The following UBQLN1 variants were observed in gnomAD, a reference collection of about 807,000 sequenced individuals.
The protein encoded by UBQLN1 is ubiquilin 1.
In UBQLN1, 13 loss-of-function variants were observed where a neutral mutation model predicts 65.4. The observed-to-expected ratio is 0.20, with a 90% confidence interval of 0.13 to 0.32. UBQLN1 has a LOEUF of 0.32. Ranked by LOEUF, UBQLN1 falls within the 10% of genes least tolerant of loss-of-function variation. The pLI, the probability that UBQLN1 is intolerant of heterozygous loss-of-function variation, is 1.00. For missense variants in UBQLN1, 561 were observed against 724.0 expected, an observed-to-expected ratio of 0.77 and a Z score of 2.58; for synonymous variants, 267 against 247.8, an observed-to-expected ratio of 1.08 and a Z score of -0.73.
chr9:83,684,002 C>G (rs973974350), intron 2 of UBQLN1, among the ~76,000 whole-genome samples: 1 of 151,908 alleles, frequency 6.6e-6, no homozygotes, highest in African/African-American at 2.4e-5. Context: ...GCCTGGGTGA[C>G]AGAGAGAGAC....
At chr9:83,697,647 G>A (rs888384769) in intron 1 of UBQLN1, among the ~76,000 whole-genome samples, 2 of 146,390 alleles carry the variant, frequency 1.4e-5, no homozygotes, top group Admixed American at 6.8e-5. Flanking sequence ...CCTCTGCCTC[G>A]CAGATTCAAG....
chr9:83,700,862 T>C (rs569347086), intron 1 of UBQLN1, among the ~76,000 whole-genome samples: 4 of 152,236 alleles, frequency 2.6e-5, no homozygotes, highest in Admixed American at 2.6e-4. Context: ...CATTATATAT[T>C]CTAAGACCAA....
At position 83,677,815 on chromosome 9, in the gene UBQLN1, G is replaced by C; in HGVS notation, c.1017C>G (p.Ala339=). 6.2e-7 allele frequency: 1 copy of C among 1,614,072 alleles called. No homozygotes were observed. Among genetic ancestry groups the C allele is most frequent in the South Asian group, 1.1e-5 (1 of 91,034 alleles). Residue 339 remains alanine, a synonymous_variant, in exon 6 of 11, where the codon GCC becomes GCG. Transcript: ENST00000376395. The part of the protein sequence containing the change: ...SQSSSASSGT[A]STVGGTTGST... ...TACCAGTAGTGCCACCCACAGTGCT[G>C]GCAGTGCCGCTGGAAGCTGATGAAC...
intron 1 of UBQLN1, among the ~76,000 whole-genome samples, chr9:83,691,722 C>G (rs543200496): frequency 5.9e-5 from 9 of 152,232 alleles, no homozygotes; most frequent in Non-Finnish European, 1.2e-4. Flanking sequence ...AAATCACGTT[C>G]ACTCACAAAA....
chr9:83,684,944 G>A (rs1018823104), intron 2 of UBQLN1, among the ~76,000 whole-genome samples: 3 of 151,784 alleles, frequency 2.0e-5, no homozygotes, highest in East Asian at 1.9e-4. Flanking sequence ...TAACATCTCC[G>A]AAATCAGGAT....
chr9:83,665,104 T>C lies in UBQLN1; in HGVS notation c.1374A>G (p.Arg458=). The C allele has an allele frequency of 6.2e-7, 1 of 1,613,934 alleles. No homozygotes were observed. The highest frequency in any genetic ancestry group is 1.7e-5 in the Admixed American group (1 of 59,994). The stretch of plus-strand genomic sequence containing the variant: ...GAATCTGTAACAAGGCCTGCATTGC[T>C]CTAGGGTTTGACATTGCTGATAGTG... ...PDTLSAMSNP[R]AMQALLQIQQ... Residue 458 remains arginine (R), a synonymous_variant, in exon 9 of 11, where the codon AGA becomes AGG. Transcript: ENST00000376395.
chr9:83,663,393 C>A lies in UBQLN1; in HGVS notation c.1617+482G>T, dbSNP rs111854716. 7.3e-4 allele frequency among the ~76,000 whole-genome samples: 111 copies of A among 151,974 alleles called. 1 individual carries two copies. The highest frequency in any genetic ancestry group is 1.2e-3 in the Non-Finnish European group (84 of 68,000). On this transcript the variant is annotated intron_variant, in intron 10 of 10. Transcript: ENST00000376395. ...GGTCCATATTCTTTAGCCATATTTACGAGATATATATATATGTAACACAAG... is the reference window on the plus strand; with the variant it reads ...GGTCCATATTCTTTAGCCATATTTAAGAGATATATATATATGTAACACAAG...
At chr9:83,692,045 T>C (rs766069312) in intron 1 of UBQLN1, among the ~76,000 whole-genome samples, 37 of 152,156 alleles carry the variant, frequency 2.4e-4, no homozygotes, top group Non-Finnish European at 3.8e-4. Flanking sequence ...GTAAAAAATA[T>C]ACAAAACTTG....
intron 4 of UBQLN1, 41 bp from the exon 5 acceptor site, chr9:83,678,640 T>A: frequency 6.4e-7 from 1 of 1,566,864 alleles, no homozygotes; most frequent in Admixed American, 1.9e-5. Flanking sequence ...AAAAAGGCAT[T>A]GAAATACACA....
At chr9:83,673,231 C>T (rs1182233245) in intron 6 of UBQLN1, among the ~76,000 whole-genome samples, 2 of 150,194 alleles carry the variant, frequency 1.3e-5, no homozygotes, top group Non-Finnish European at 3.0e-5. Flanking sequence ...TCAAACAAAA[C>T]AAACCAAAAA....
At chr9:83,699,364 C>A (rs1463706784) in intron 1 of UBQLN1, among the ~76,000 whole-genome samples, 1 of 152,114 alleles carries the variant, frequency 6.6e-6, no homozygotes, top group Non-Finnish European at 1.5e-5. Flanking sequence ...TTTTAAGAGA[C>A]CAAGTCTCAT....
At chr9:83,676,448 G>A (rs1831833479) in intron 6 of UBQLN1, among the ~76,000 whole-genome samples, 2 of 152,144 alleles carry the variant, frequency 1.3e-5, no homozygotes, top group Admixed American at 1.3e-4. Context: ...ATCTTTGCCT[G>A]CTCTATACCC....
chr9:83,683,596 CTCTT>C (rs1217636119), intron 2 of UBQLN1, among the ~76,000 whole-genome samples: 30 of 152,150 alleles, frequency 2.0e-4, no homozygotes, highest in Non-Finnish European at 4.0e-4. Flanking sequence ...ATTGCCCCTC[CTCTT>C]TGAGTATAAT....
chr9:83,687,306 G>A (rs977796209), intron 1 of UBQLN1, among the ~76,000 whole-genome samples: 2 of 152,198 alleles, frequency 1.3e-5, no homozygotes, highest in African/African-American at 4.8e-5. Context: ...ATGCTATAAA[G>A]AAACACTTAC....
intron 1 of UBQLN1, 127 bp from the exon 2 acceptor site, chr9:83,686,282 TC>T: frequency 1.6e-6 from 1 of 626,264 alleles, no homozygotes; most frequent in Non-Finnish European, 2.5e-6. Context: ...ATCCCAATGT[TC>T]CAGGAGGCTG....
rs1254161235 is a variant in UBQLN1 at position 83,678,565 on chromosome 9, T to C, written c.746A>G (p.Gln249Arg). ...TCGGTCCTGGTTCCTCATCATCTCC[T>C]GCATCATTGCTGGATTCCTGGCAAG... ...LELARNPAMMQEMMRNQDRAL... is the reference protein window; with the variant it reads ...LELARNPAMMREMMRNQDRAL... Residue 249 changes from glutamine (Q) to arginine (R), a missense_variant, in exon 5 of 11, where the codon CAG (glutamine) becomes CGG (arginine). Physicochemically the swap from Gln to Arg is conservative, Grantham distance 43. Around this residue, in one of 8 missense-constraint regions of UBQLN1, gnomAD observed 75 missense variants for 138.9 expected, o/e 0.54. Transcript: ENST00000376395. The C allele has an allele frequency of 1.2e-6, 2 of 1,612,516 alleles. No individual in the cohort carries two copies.
chr9:83,677,134 T>C (rs1014350498), intron 6 of UBQLN1, among the ~76,000 whole-genome samples: 2 of 152,206 alleles, frequency 1.3e-5, no homozygotes, highest in Non-Finnish European at 2.9e-5. Context: ...AGACGGGTGC[T>C]TGACAATCTA....
intron 8 of UBQLN1, among the ~76,000 whole-genome samples, chr9:83,666,078 A>C (rs1300878270): frequency 1.4e-4 from 22 of 152,192 alleles, no homozygotes; most frequent in Non-Finnish European, 1.5e-5. Context: ...GAAATGGTTT[A>C]TGGTATTAAC....
Position 83,707,491 on chromosome 9 carries a change from C to CG in UBQLN1, c.180+8dup. ...CCCCCATCCCGGCCCGAGCCCCAGG[C>CG]GGCCTCACCTGCTGGACGGAGCTAT... On this transcript the variant is annotated intron_variant, in intron 1 of 10. Transcript: ENST00000376395. The CG allele has an allele frequency of 6.2e-7, 1 of 1,602,016 alleles. No homozygotes were observed.
Sources: allele counts gnomAD v4.1 joint callset (sites outside exome capture counted in the v4.1 genomes callset), GRCh38; gene constraint gnomAD v4.1.1; regional missense constraint gnomAD v4.1.1; transcripts MANE v1.5; gene names NCBI Gene and HGNC (gene_info 2026-07-23, HGNC 2026-07-21).